Variants in PIK3C3 observed in about 807,000 individuals in gnomAD.
PIK3C3 encodes phosphatidylinositol 3-kinase catalytic subunit type 3.
PIK3C3 carries 95 observed loss-of-function variants against 126.1 expected under a neutral mutation model. The observed-to-expected ratio is 0.75, with a 90% CI of 0.64 to 0.89. PIK3C3 has a LOEUF of 0.89. Ranked by LOEUF, PIK3C3 falls within the 40% of genes least tolerant of loss-of-function variation. The pLI is 0.00. For synonymous variants in PIK3C3, 374 were observed against 360.0 expected (o/e 1.04, Z -0.44); for missense variants, 829 against 1,063.2 (o/e 0.78, Z 3.06).
intron 21 of PIK3C3, chr18:42,051,223 C>A (rs1032728620): frequency 6.6e-6 from 1 of 152,212 alleles, no homozygotes; most frequent in South Asian, 2.1e-4. Flanking sequence ...ATTGGGGTTA[C>A]CCCCATGCCT....
chr18:41,962,485 A>G lies in PIK3C3; in HGVS notation c.258-4A>G, dbSNP rs779776683. 3 of 1,602,994 alleles carry G rather than the reference A, an allele frequency of 1.9e-6. No homozygotes were observed. Among genetic ancestry groups the G allele is most frequent in the Middle Eastern group, 1.7e-4 (1 of 5,994 alleles). ...TCTGATTTATGTTAACTTCATTTCC[A>G]TAGCTGGAATGAATGGCTGAAACTA... On this transcript the variant is annotated splice_polypyrimidine_tract_variant and splice_region_variant and intron_variant, in intron 2 of 24. Coordinates refer to ENST00000262039, the MANE Select transcript of PIK3C3 (RefSeq NM_002647.4).
intron 14 of PIK3C3, among the ~76,000 whole-genome samples, chr18:42,028,946 G>A (rs1225421392): frequency 6.6e-6 from 1 of 151,892 alleles, no homozygotes; most frequent in African/African-American, 2.4e-5. Flanking sequence ...CTTTGTTTCT[G>A]CCATATACAT....
At chr18:42,014,072 GA>G (rs937615852) in intron 11 of PIK3C3, among the ~76,000 whole-genome samples, 3 of 152,014 alleles carry the variant, frequency 2.0e-5, no homozygotes, top group African/African-American at 7.2e-5. Flanking sequence ...TTTAAAGGCT[GA>G]GGTGTGCAGA....
chr18:41,993,163 G>T (rs890195449), intron 6 of PIK3C3, 107 bp from the exon 7 acceptor site: 2 of 589,300 alleles, frequency 3.4e-6, no homozygotes, highest in East Asian at 5.9e-5. Flanking sequence ...TTAAAGGGAA[G>T]AATGATGTTC....
At chr18:42,012,650 A>G (rs1982882937) in intron 10 of PIK3C3, among the ~76,000 whole-genome samples, 2 of 152,210 alleles carry the variant, frequency 1.3e-5, no homozygotes, top group Non-Finnish European at 2.9e-5. Context: ...TACTGGAAGC[A>G]TTTCCATCCT....
chr18:41,955,295 G>A lies in PIK3C3; in HGVS notation c.4G>A (p.Gly2Arg), dbSNP rs1175373337. M[G>R]EAEKFHYIYS... Reference sequence around the variant, plus strand: ...TGGTACCTTTGCAGACGGTGCGATGGGGGAAGCAGAGAAGTTTCACTACAT... The same window carrying A: ...TGGTACCTTTGCAGACGGTGCGATGAGGGAAGCAGAGAAGTTTCACTACAT... The change falls in exon 1 of 25, where the codon GGG becomes AGG. Residue 2 changes from glycine to arginine, a missense_variant. Transcript: ENST00000262039. 6.2e-7 allele frequency: 1 copy of A among 1,613,164 alleles called. No individual in the cohort carries two copies.
chr18:42,052,002 A>G (rs1392474996), intron 21 of PIK3C3, among the ~76,000 whole-genome samples: 1 of 151,710 alleles, frequency 6.6e-6, no homozygotes, highest in Non-Finnish European at 1.5e-5. Flanking sequence ...AAATAAAATA[A>G]ATAAAAAAGA....
At chr18:42,018,555 A>C (rs1401919244) in intron 12 of PIK3C3, among the ~76,000 whole-genome samples, 4 of 152,104 alleles carry the variant, frequency 2.6e-5, no homozygotes, top group Non-Finnish European at 4.4e-5. Context: ...TGTACACCTA[A>C]GCTTTAAAAC....
chr18:42,012,183 T>TTA (rs1459048921), intron 10 of PIK3C3, among the ~76,000 whole-genome samples: 1 of 142,218 alleles, frequency 7.0e-6, no homozygotes, highest in Non-Finnish European at 1.5e-5. Flanking sequence ...CTTCATTCTG[T>TTA]AAAAAAAAAA....
intron 24 of PIK3C3, among the ~76,000 whole-genome samples, chr18:42,080,299 A>C (rs1362969517): frequency 1.3e-5 from 2 of 152,198 alleles, no homozygotes; most frequent in Non-Finnish European, 2.9e-5. Context: ...GTGACACTTT[A>C]AAATGTGTCA....
intron 7 of PIK3C3, among the ~76,000 whole-genome samples, chr18:41,994,154 C>T (rs571858454): frequency 4.6e-5 from 7 of 152,124 alleles, no homozygotes; most frequent in East Asian, 3.9e-4. Context: ...AAAGCAGGAA[C>T]GGCTGATGGC....
intron 9 of PIK3C3, among the ~76,000 whole-genome samples, chr18:42,001,251 G>GT (rs1982274118): frequency 6.6e-6 from 1 of 152,170 alleles, no homozygotes; most frequent in Non-Finnish European, 1.5e-5. Flanking sequence ...ATAGGATACT[G>GT]TTACAAACAT....
At chr18:41,979,216 A>G (rs1981078590) in intron 4 of PIK3C3, among the ~76,000 whole-genome samples, 1 of 152,136 alleles carries the variant, frequency 6.6e-6, no homozygotes, top group African/African-American at 2.4e-5. Context: ...CACTGTGTCT[A>G]GACTGTTTCC....
At chr18:42,050,883 C>T (rs1984773681) in intron 21 of PIK3C3, 1 of 152,142 alleles carries the variant, frequency 6.6e-6, no homozygotes, top group Admixed American at 6.5e-5. Context: ...TTATTCAGAT[C>T]TTTGCAGGGC....
intron 15 of PIK3C3, among the ~76,000 whole-genome samples, chr18:42,031,114 A>C (rs1983805160): frequency 6.6e-6 from 1 of 152,236 alleles, no homozygotes; most frequent in Non-Finnish European, 1.5e-5. Flanking sequence ...CCCTGGCACC[A>C]TGAAGAAATG....
At chr18:42,023,747 A>G (rs1265731319) in intron 13 of PIK3C3, among the ~76,000 whole-genome samples, 1 of 152,248 alleles carries the variant, frequency 6.6e-6, no homozygotes, top group Admixed American at 6.5e-5. Flanking sequence ...GAGCATATAA[A>G]AATAATAAAA....
In PIK3C3 at chr18:42,034,636, G is replaced by A. The variant is rs1038800778; in HGVS notation, c.1839+679G>A. Among the ~76,000 whole-genome samples the A allele has an allele frequency of 8.5e-5, 13 of 152,254 alleles. 1 individual carries two copies. The highest frequency in any genetic ancestry group is 8.3e-4 in the South Asian group (4 of 4,816). ...TTCTATTGACTGGCCACCAGTTCAGGTAGAAACAGCTGATGCAGCAGCCTT... is the reference window on the plus strand; with the variant it reads ...TTCTATTGACTGGCCACCAGTTCAGATAGAAACAGCTGATGCAGCAGCCTT... On this transcript the variant is annotated intron_variant, in intron 16 of 24. Coordinates refer to ENST00000262039, the MANE Select transcript of PIK3C3 (RefSeq NM_002647.4).
At chr18:41,998,609 G>A (rs1217405995) in intron 9 of PIK3C3, among the ~76,000 whole-genome samples, 12 of 152,200 alleles carry the variant, frequency 7.9e-5, no homozygotes, top group Admixed American at 7.2e-4. Flanking sequence ...TATAAAGTGT[G>A]TGACAAGTTT....
chr18:41,969,711 G>C (rs1026701220), intron 3 of PIK3C3, among the ~76,000 whole-genome samples: 2 of 152,184 alleles, frequency 1.3e-5, no homozygotes, highest in Non-Finnish European at 2.9e-5. Flanking sequence ...AATACTAACT[G>C]TATGCCAGCC....
Sources: gnomAD v4.1 joint callset for allele counts (sites outside exome capture counted in the v4.1 genomes callset) on GRCh38, gnomAD v4.1.1 for gene constraint, MANE v1.5 for transcripts, NCBI Gene and HGNC (gene_info 2026-07-23, HGNC 2026-07-21) for gene names.